ANAPC10: variants seen among roughly 807,000 people sequenced by gnomAD.
ANAPC10 encodes anaphase-promoting complex subunit 10.
ANAPC10 carries 12 observed loss-of-function variants against 22.0 expected under a neutral mutation model. That is an observed-to-expected ratio of 0.55 (90% confidence interval 0.35 to 0.88). ANAPC10 has a LOEUF of 0.88. Among genes scored for constraint, ANAPC10 ranks in the 40% least tolerant of loss-of-function variants. The pLI, the probability that ANAPC10 is intolerant of heterozygous loss-of-function variation, is 0.01. For synonymous variants in ANAPC10, 65 were observed against 69.5 expected, an observed-to-expected ratio of 0.94 and a Z score of 0.32; for missense variants, 188 against 220.9, an observed-to-expected ratio of 0.85 and a Z score of 0.94.
intron 2 of ANAPC10, among the ~76,000 whole-genome samples, chr4:145,082,622 T>TA (rs762141834): frequency 5.9e-5 from 9 of 152,220 alleles, no homozygotes; most frequent in Non-Finnish European, 8.8e-5. Flanking sequence ...TCAAAAGGCA[T>TA]ATATATTCTG....
chr4:145,000,096 A>G (rs1415677391), intron 4 of ANAPC10, among the ~76,000 whole-genome samples: 4 of 152,226 alleles, frequency 2.6e-5, no homozygotes, highest in African/African-American at 9.6e-5. Flanking sequence ...AAACCATAAA[A>G]ACCCTAGAAG....
chr4:145,007,355 C>T (rs1442330950), intron 4 of ANAPC10, among the ~76,000 whole-genome samples: 1 of 152,086 alleles, frequency 6.6e-6, no homozygotes, highest in African/African-American at 2.4e-5. Context: ...CAGCACCCCA[C>T]ACGCTTATTC....
intron 2 of ANAPC10, among the ~76,000 whole-genome samples, chr4:145,081,989 C>A (rs1253788787): frequency 2.0e-5 from 3 of 152,140 alleles, no homozygotes; most frequent in African/African-American, 7.2e-5. Context: ...TGATTACAGG[C>A]ATAAGCCATA....
chr4:144,995,289 C>A lies in ANAPC10; in HGVS notation c.*84G>T. On this transcript the variant is annotated 3_prime_UTR_variant, in exon 5 of 5. Coordinates refer to ENST00000507656, the MANE Select transcript of ANAPC10 (RefSeq NM_001256706.2). ...ATACAAAATTAGATATAACGGATGC[C>A]TTGTTCAATAAAGGTACATGATATA... 1.3e-6 allele frequency: 1 copy of A among 791,546 alleles called. No individual in the cohort carries two copies. Among genetic ancestry groups the A allele is most frequent in the Non-Finnish European group, 1.9e-6 (1 of 515,276 alleles). 49.0% of individuals were successfully genotyped at this position (791,546 alleles called of 1,614,324 possible).
At chr4:145,069,630 G>A (rs1744200662) in intron 3 of ANAPC10, among the ~76,000 whole-genome samples, 1 of 152,208 alleles carries the variant, frequency 6.6e-6, no homozygotes, top group Non-Finnish European at 1.5e-5. Context: ...TCTTGCCCAA[G>A]AGAAATGATC....
At chr4:145,056,074 T>C (rs1742025380) in intron 4 of ANAPC10, among the ~76,000 whole-genome samples, 1 of 152,226 alleles carries the variant, frequency 6.6e-6, no homozygotes, top group Admixed American at 6.5e-5. Context: ...CAACTCCATC[T>C]TGAATACGAG....
chr4:145,048,141 CG>C (rs1046010977), intron 4 of ANAPC10, among the ~76,000 whole-genome samples: 2 of 152,096 alleles, frequency 1.3e-5, no homozygotes, highest in African/African-American at 4.8e-5. Context: ...AAAGCTAAAA[CG>C]GACGCCCCTC....
chr4:145,001,448 T>C (rs1189203401), intron 4 of ANAPC10, among the ~76,000 whole-genome samples: 1 of 152,144 alleles, frequency 6.6e-6, no homozygotes, highest in East Asian at 1.9e-4. Context: ...AGAATAGTGG[T>C]TGCCAAGGGG....
At chr4:145,057,758 T>G (rs10032067) in intron 4 of ANAPC10, among the ~76,000 whole-genome samples, 111,506 of 151,986 alleles carry the variant, frequency 0.73, 42,824 homozygotes, top group Non-Finnish European at 0.87. Context: ...CTTCTCTGTA[T>G]GCCATTACTA....
intron 2 of ANAPC10, among the ~76,000 whole-genome samples, chr4:145,085,903 G>C (rs866795939): frequency 2.0e-5 from 3 of 146,344 alleles, no homozygotes; most frequent in Admixed American, 6.9e-5. Context: ...TCACTTTGCC[G>C]CCCAGGCTGC....
chr4:145,015,671 C>T (rs1337352371), intron 4 of ANAPC10, among the ~76,000 whole-genome samples: 1 of 152,090 alleles, frequency 6.6e-6, no homozygotes, highest in Non-Finnish European at 1.5e-5. Context: ...AGGAAAGAAT[C>T]TTAAGAGCTG....
intron 4 of ANAPC10, among the ~76,000 whole-genome samples, chr4:145,005,909 G>A (rs1192443285): frequency 6.6e-6 from 1 of 152,118 alleles, no homozygotes; most frequent in Admixed American, 6.6e-5. Flanking sequence ...GCCACATGTA[G>A]ATGAGAAAAA....
intron 4 of ANAPC10, among the ~76,000 whole-genome samples, chr4:145,032,604 C>T (rs533008958): frequency 2.0e-5 from 3 of 152,326 alleles, no homozygotes; most frequent in Admixed American, 1.3e-4. Context: ...ACTGTCATCG[C>T]CCAATGGGCC....
chr4:145,020,412 G>C (rs1011678431), intron 4 of ANAPC10, among the ~76,000 whole-genome samples: 1 of 151,752 alleles, frequency 6.6e-6, no homozygotes, highest in African/African-American at 2.4e-5. Flanking sequence ...CAGCAAAATC[G>C]GCATAAAGGA....
At chr4:145,052,204 T>A (rs976510997) in intron 4 of ANAPC10, among the ~76,000 whole-genome samples, 19 of 152,116 alleles carry the variant, frequency 1.2e-4, no homozygotes, top group Non-Finnish European at 1.9e-4. Context: ...TCACTATGAG[T>A]ACAATTAATA....
chr4:145,062,775 A>C (rs1374790532), intron 4 of ANAPC10, among the ~76,000 whole-genome samples: 1 of 152,228 alleles, frequency 6.6e-6, no homozygotes, highest in African/African-American at 2.4e-5. Flanking sequence ...CTAAGTATTC[A>C]TCAATGAATG....
intron 4 of ANAPC10, among the ~76,000 whole-genome samples, chr4:145,053,526 C>A (rs1196323512): frequency 6.6e-6 from 1 of 152,114 alleles, no homozygotes; most frequent in Non-Finnish European, 1.5e-5. Context: ...GCAACAGATT[C>A]TAAAAAAGTG....
At chr4:145,038,145 G>A (rs1009125729) in intron 4 of ANAPC10, among the ~76,000 whole-genome samples, 3 of 151,864 alleles carry the variant, frequency 2.0e-5, no homozygotes, top group African/African-American at 2.4e-5. Flanking sequence ...GACAAGCCTG[G>A]CAACATAGTG....
chr4:145,015,545 C>T (rs534512018), intron 4 of ANAPC10, among the ~76,000 whole-genome samples: 27 of 151,908 alleles, frequency 1.8e-4, no homozygotes, highest in Non-Finnish European at 3.5e-4. Context: ...AACTTCCTGG[C>T]CTTGCTAGAG....
Sources: allele counts gnomAD v4.1 joint callset (sites outside exome capture counted in the v4.1 genomes callset), GRCh38; gene constraint gnomAD v4.1.1; transcripts MANE v1.5; gene names NCBI Gene and HGNC (gene_info 2026-07-23, HGNC 2026-07-21).